The following PHF12 variants were observed in gnomAD, a reference collection of about 807,000 sequenced individuals.
The protein encoded by PHF12 is PHD factor 1.
PHF12 carries 6 observed loss-of-function variants against 99.8 expected under a neutral mutation model. That is an observed-to-expected ratio of 0.06 (90% CI 0.03 to 0.12). The LOEUF (loss-of-function observed/expected upper bound fraction) is 0.12. Among genes scored for constraint, PHF12 ranks in the 10% least tolerant of loss-of-function variants. PHF12 has a pLI of 1.00. For synonymous variants in PHF12, 480 were observed against 514.9 expected (o/e 0.93, Z 0.92); for missense variants, 954 against 1,300.1 (o/e 0.73, Z 4.09).
intron 6 of PHF12, among the ~76,000 whole-genome samples, chr17:28,918,397 C>G (rs2040099169): frequency 6.6e-6 from 1 of 152,182 alleles, no homozygotes; most frequent in Non-Finnish European, 1.5e-5. Flanking sequence ...TGGCATGAGT[C>G]AAAAGAACAC....
At position 28,949,199 on chromosome 17, in the gene PHF12, C is replaced by A. The variant is rs1011087967; in HGVS notation, c.248+866G>T. Among the ~76,000 whole-genome samples, 1 of 152,180 alleles carries A rather than the reference C, an allele frequency of 6.6e-6. No homozygotes were observed. The highest frequency in any genetic ancestry group is 6.5e-5 in the Admixed American group (1 of 15,278). On this transcript the variant is annotated intron_variant, in intron 2 of 14. Coordinates refer to ENST00000332830, the MANE Select transcript of PHF12 (RefSeq NM_001033561.2). This position sits in a 1 kb window ranked among gnomAD's most constrained non-coding sequence, Gnocchi z 4.6. Reference sequence around the variant, plus strand: ...CTCCCTCTGGCAGCAAAGAATTTTGCAGCGAAGGGCTCGCCGATCCGGAGC... The same window carrying A: ...CTCCCTCTGGCAGCAAAGAATTTTGAAGCGAAGGGCTCGCCGATCCGGAGC...
rs115342494 is a variant in PHF12, at chr17:28,940,855, C to T, written c.248+9210G>A. On this transcript the variant is annotated intron_variant, in intron 2 of 14. Transcript: ENST00000332830. ...CTAGGACTTGCACTGAATACAATGT[C>T]CTCCTCTTTCAGGAAACTGGCAGGG... Among the ~76,000 whole-genome samples the T allele has an allele frequency of 6.8e-3, 1,030 of 152,210 alleles. 9 individuals carry two copies. The highest frequency in any genetic ancestry group is 0.024 in the African/African-American group (980 of 41,510).
intron 12 of PHF12, 147 bp from the exon 13 acceptor site, chr17:28,907,819 T>C: frequency 1.7e-6 from 1 of 594,888 alleles, no homozygotes; most frequent in Admixed American, 3.0e-5. Context: ...CCCTCCCCTT[T>C]TATTTTTGAA....
chr17:28,943,350 G>A (rs1479034327), intron 2 of PHF12, among the ~76,000 whole-genome samples: 1 of 152,072 alleles, frequency 6.6e-6, no homozygotes, highest in Non-Finnish European at 1.5e-5. Context: ...TTGCACCCTG[G>A]CTGGCACGGT....
chr17:28,910,283 G>A lies in PHF12; in HGVS notation c.2302C>T (p.Pro768Ser), dbSNP rs779611506. ...TGTGTCCCGACACTGCCCGGTGAAG[G>A]TTGGACCCGGGAGGGGAAAAGCTGA... ...IHQLFPSRVQ[P>S]SPGSVGTHQL... is the part of the protein sequence containing the mutation. The change falls in exon 11 of 15, where the codon CCT becomes TCT. Residue 768 changes from proline (P) to serine (S), a missense_variant. Coordinates refer to ENST00000332830, the MANE Select transcript of PHF12 (RefSeq NM_001033561.2). The A allele has an allele frequency of 3.2e-5, 51 of 1,614,104 alleles. 1 individual carries two copies. The Admixed American group carries it at 8.5e-4, about 27-fold the overall frequency.
intron 2 of PHF12, among the ~76,000 whole-genome samples, chr17:28,948,580 G>A (rs544718571): frequency 6.5e-4 from 99 of 152,330 alleles, no homozygotes; most frequent in African/African-American, 2.4e-3. Flanking sequence ...GGTAATGGGA[G>A]TTTCCTACAT....
chr17:28,948,533 G>T (rs1398220039), intron 2 of PHF12, among the ~76,000 whole-genome samples: 1 of 152,192 alleles, frequency 6.6e-6, no homozygotes, highest in Non-Finnish European at 1.5e-5. Context: ...TACAAGCTGG[G>T]ATGGGGTGCC....
intron 2 of PHF12, among the ~76,000 whole-genome samples, chr17:28,929,522 G>A (rs1385452244): frequency 6.6e-6 from 1 of 152,212 alleles, no homozygotes; most frequent in Admixed American, 6.5e-5. Flanking sequence ...TGGGTGTACA[G>A]GCGTGAGCCA....
At chr17:28,925,671 A>G (rs186511323) in intron 3 of PHF12, 1 of 152,328 alleles carries the variant, frequency 6.6e-6, no homozygotes, top group East Asian at 1.9e-4. Context: ...TGGTTCAAAC[A>G]TTGGTTCTGT....
At chr17:28,924,428 C>CCTGG (rs1222046340) in intron 3 of PHF12, 126 bp from the exon 4 acceptor site, 1 of 1,302,416 alleles carries the variant, frequency 7.7e-7, no homozygotes, top group South Asian at 1.2e-5. Flanking sequence ...GACTCATCTA[C>CCTGG]CTGGTCACTT....
chr17:28,932,700 C>CT (rs1459727386), intron 2 of PHF12, among the ~76,000 whole-genome samples: 2 of 152,128 alleles, frequency 1.3e-5, no homozygotes, highest in African/African-American at 4.8e-5. Flanking sequence ...AATCCCAGCA[C>CT]TTTGGGAGGC....
chr17:28,938,599 C>T (rs895978749), intron 2 of PHF12, among the ~76,000 whole-genome samples: 14 of 152,108 alleles, frequency 9.2e-5, no homozygotes, highest in Admixed American at 3.9e-4. Context: ...TTACCCTCCC[C>T]TGACAGGGTC....
chr17:28,925,523 C>G (rs1172020081), intron 3 of PHF12: 1 of 152,218 alleles, frequency 6.6e-6, no homozygotes, highest in Non-Finnish European at 1.5e-5. Context: ...CACTGGTAGG[C>G]AGAGGTCCAT....
chr17:28,910,043 C>T, intron 11 of PHF12, 183 bp downstream of exon 11: 1 of 855,932 alleles, frequency 1.2e-6, no homozygotes, highest in East Asian at 2.6e-5. Flanking sequence ...GATCAGAAAG[C>T]TGTGGTTGCC....
chr17:28,916,952 G>A (rs1470733242), intron 7 of PHF12, among the ~76,000 whole-genome samples: 1 of 152,152 alleles, frequency 6.6e-6, no homozygotes, highest in Non-Finnish European at 1.5e-5. Flanking sequence ...CTTGGACAGA[G>A]GCCATCTAAC....
Position 28,912,975 on chromosome 17 carries a change from G to T in PHF12, c.1596C>A (p.Thr532=), listed in dbSNP as rs550110070. 5.6e-6 allele frequency: 9 copies of T among 1,614,218 alleles called. No individual in the cohort carries two copies. Among genetic ancestry groups the T allele is most frequent in the Non-Finnish European group, 7.6e-6 (9 of 1,180,032 alleles). The part of the protein sequence containing the change: ...CSSCAEKSKK[T]PCGTANGPVN... ...CTGGCCCATTGGCAGTCCCACAAGGGGTTTTCTTGGATTTTTCCGCACAAG... is the reference window on the plus strand; with the variant it reads ...CTGGCCCATTGGCAGTCCCACAAGGTGTTTTCTTGGATTTTTCCGCACAAG... Residue 532 remains threonine (T), a synonymous_variant, in exon 9 of 15, where the codon ACC becomes ACA. Transcript: ENST00000332830.
intron 2 of PHF12, among the ~76,000 whole-genome samples, chr17:28,937,754 G>A (rs959926886): frequency 2.0e-5 from 3 of 152,176 alleles, no homozygotes; most frequent in Non-Finnish European, 2.9e-5. Flanking sequence ...TCTACAAGCT[G>A]AGCCTCAGTC....
rs1226679305 is a variant in PHF12 at position 28,912,931 on chromosome 17, G to A, written c.1640C>T (p.Ala547Val). 1 of 1,614,132 alleles carries A rather than the reference G, an allele frequency of 6.2e-7. No homozygotes were observed. Among genetic ancestry groups the A allele is most frequent in the Non-Finnish European group, 8.5e-7 (1 of 1,180,048 alleles). The stretch of plus-strand genomic sequence containing the variant: ...GCTGCTGTAGAGGTGTGGGCCATTA[G>A]CTTTCACCTCTGTGTTCACTGGCCC... ...ANGPVNTEVK[A>V]NGPHLYSSPT... Residue 547 changes from alanine (A) to valine (V), a missense_variant, in exon 9 of 15, where the codon GCT (alanine) becomes GTT (valine). Transcript: ENST00000332830.
intron 7 of PHF12, among the ~76,000 whole-genome samples, chr17:28,914,239 G>C (rs1182312757): frequency 1.3e-5 from 2 of 152,162 alleles, no homozygotes; most frequent in East Asian, 3.8e-4. Flanking sequence ...AAGGCCTGCA[G>C]AACACAGAAA....
Sources: gnomAD v4.1 joint callset for allele counts (sites outside exome capture counted in the v4.1 genomes callset) on GRCh38, gnomAD v4.1.1 for gene constraint, Gnocchi (gnomAD v3.1) non-coding constraint, MANE v1.5 for transcripts, NCBI Gene and HGNC (gene_info 2026-07-23, HGNC 2026-07-21) for gene names.